Variants in IDH3B observed in about 807,000 individuals in gnomAD.
IDH3B encodes the protein isocitrate dehydrogenase (NAD(+)) 3 non-catalytic subunit beta, also known as isocitrate dehydrogenase [NAD] subunit beta, mitochondrial.
Under a neutral mutation model 47.5 loss-of-function variants are expected in IDH3B, and 40 were observed. The ratio of observed to expected loss-of-function variants is 0.84; its 90% CI spans 0.65 to 1.10. The LOEUF is 1.10. Among genes scored for constraint, IDH3B ranks in the 50% least tolerant of loss-of-function variants. The pLI is 0.00. For synonymous variants in IDH3B, 185 were observed against 191.0 expected (o/e 0.97, Z 0.26); for missense variants, 450 against 505.2 (o/e 0.89, Z 1.05).
At chr20:2,658,978 G>C in intron 11 of IDH3B, 141 bp from the exon 12 acceptor site, 8 of 1,324,046 alleles carry the variant, frequency 6.0e-6, no homozygotes, top group Non-Finnish European at 6.8e-6. Context: ...GGAAGGAGGA[G>C]CCAGGATGGG....
chr20:2,660,393 C>T lies in IDH3B; in HGVS notation c.666-28G>A. On this transcript the variant is annotated intron_variant, in intron 7 of 11. Transcript: ENST00000380843. This position sits in a 1 kb window ranked among gnomAD's most constrained non-coding sequence, Gnocchi z 5.6. The stretch of plus-strand genomic sequence containing the variant: ...GTCCATGGGCCAAAGGGGACAGAAT[C>T]AGCCAAGAAAGTACAGGGGCTACCT... 1 of 1,614,068 alleles carries T rather than the reference C, an allele frequency of 6.2e-7. No individual in the cohort carries two copies. Among genetic ancestry groups the T allele is most frequent in the Middle Eastern group, 1.6e-4 (1 of 6,062 alleles).
chr20:2,661,205 G>A (rs923028504), intron 4 of IDH3B, among the ~76,000 whole-genome samples: 37 of 152,074 alleles, frequency 2.4e-4, no homozygotes, highest in Non-Finnish European at 2.1e-4. Flanking sequence ...GTGTGTGTGC[G>A]TGTGTGAGAG....
Position 2,660,261 on chromosome 20 carries a change from A to C in IDH3B, c.768+2T>G, listed in dbSNP as rs1374351136. The C allele has an allele frequency of 6.8e-6, 11 of 1,613,966 alleles. No individual in the cohort carries two copies. The highest frequency in any genetic ancestry group is 9.3e-6 in the Non-Finnish European group (11 of 1,179,980). On this transcript the variant is annotated splice_donor_variant, in intron 8 of 11. Transcript: ENST00000380843. LOFTEE classifies it high-confidence loss of function. The surrounding 1 kb of genome is among the most constrained non-coding windows in gnomAD (Gnocchi z 5.6). Reference sequence around the variant, plus strand: ...ATGAGTAGAGATGTGGGGAGGCCTCACCTGCATGCAGCAGTTGTCTATGAT... The same window carrying C: ...ATGAGTAGAGATGTGGGGAGGCCTCCCCTGCATGCAGCAGTTGTCTATGAT...
At chr20:2,663,345 A>G in intron 4 of IDH3B, 101 bp downstream of exon 4, 1 of 1,375,246 alleles carries the variant, frequency 7.3e-7, no homozygotes, top group Non-Finnish European at 1.0e-6. Flanking sequence ...GTTGCCCTGG[A>G]GTTAATATAA....
At chr20:2,659,433 A>AC (rs981309054) in intron 11 of IDH3B, 92 bp downstream of exon 11, 8 of 1,511,238 alleles carry the variant, frequency 5.3e-6, no homozygotes, top group South Asian at 2.2e-5. Context: ...GGGAAAGGAG[A>AC]CCCCCATTCA....
chr20:2,658,985 T>G (rs1156851092), intron 11 of IDH3B, 148 bp from the exon 12 acceptor site: 4 of 1,325,114 alleles, frequency 3.0e-6, no homozygotes, highest in Admixed American at 3.0e-5. Flanking sequence ...GGAGCCAGGA[T>G]GGGAAGCACA....
In IDH3B at chr20:2,664,196, G is replaced by C. The variant is rs2087008064; in HGVS notation, c.-8C>G. 1 of 1,612,872 alleles carries C rather than the reference G, an allele frequency of 6.2e-7. No individual in the cohort carries two copies. Among genetic ancestry groups the C allele is most frequent in the Non-Finnish European group, 8.5e-7 (1 of 1,179,594 alleles). ...TCCGCTCAATGCCGCCATGTTTCCC[G>C]CAGGAAGTCGCGTGGGAAGTGACGC... On this transcript the variant is annotated 5_prime_UTR_variant, in exon 1 of 12. Transcript: ENST00000380843.
In IDH3B at chr20:2,659,849, G is replaced by T. The variant is rs866342083; in HGVS notation, c.916-56C>A. 7.4e-6 allele frequency: 11 copies of T among 1,478,042 alleles called. No individual in the cohort carries two copies. The Middle Eastern group carries it at 1.3e-3, about 175-fold the overall frequency. 91.6% of individuals were successfully genotyped at this position (1,478,042 alleles called of 1,614,324 possible). On this transcript the variant is annotated intron_variant, in intron 9 of 11. Transcript: ENST00000380843. ...GAGGAGGCAGGAGGGGTATGCAGAGGCTTAGGTTGGAAAAGGACATTATGG... is the reference window on the plus strand; with the variant it reads ...GAGGAGGCAGGAGGGGTATGCAGAGTCTTAGGTTGGAAAAGGACATTATGG...
chr20:2,659,200 C>G, intron 11 of IDH3B: 1 of 1,321,490 alleles, frequency 7.6e-7, no homozygotes, highest in Non-Finnish European at 9.6e-7. Flanking sequence ...GATGCTTCAG[C>G]CTGCCTGTAT....
At chr20:2,663,105 C>T (rs1412194772) in intron 4 of IDH3B, among the ~76,000 whole-genome samples, 2 of 144,416 alleles carry the variant, frequency 1.4e-5, no homozygotes, top group African/African-American at 5.2e-5. Flanking sequence ...CCAGCCTGGG[C>T]GACAGAGCAA....
Position 2,659,707 on chromosome 20 carries a change from C to G in IDH3B, c.1002G>C (p.Arg334=), listed in dbSNP as rs747580191. The G allele has an allele frequency of 4.3e-6, 7 of 1,614,018 alleles. No individual in the cohort carries two copies. In the Admixed American group the frequency reaches 5.0e-5, roughly 12 times the overall value. ...AMLLSASNML[R]HLNLEYHSSM... The stretch of plus-strand genomic sequence containing the variant: ...AGCCTCCCATGACCTACTTAAGATG[C>G]CGCAGCATGTTGGAAGCCGACAGCA... The change falls in exon 10 of 12, where the codon CGG becomes CGC. Residue 334 remains arginine (R), a synonymous_variant. Transcript: ENST00000380843.
In IDH3B at chr20:2,658,619, A is replaced by AG; in HGVS notation, c.*131dup. On this transcript the variant is annotated 3_prime_UTR_variant, in exon 12 of 12. Coordinates refer to ENST00000380843, the MANE Select transcript of IDH3B (RefSeq NM_006899.5). Reference sequence around the variant, plus strand: ...TCTGTCCCCTAAGGAAGCCGGCCCAAGGACAACCTAGGCTCTACCCAGCAA... The same window carrying AG: ...TCTGTCCCCTAAGGAAGCCGGCCCAAGGGACAACCTAGGCTCTACCCAGCAA... 1 of 1,613,332 alleles carries AG rather than the reference A, an allele frequency of 6.2e-7. No individual in the cohort carries two copies. The highest frequency in any genetic ancestry group is 8.5e-7 in the Non-Finnish European group (1 of 1,179,646).
chr20:2,659,711 A>C lies in IDH3B; in HGVS notation c.998T>G (p.Leu333Arg). Residue 333 changes from leucine (L) to arginine (R), a missense_variant, in exon 10 of 12, where the codon CTG (leucine) becomes CGG (arginine). By Grantham distance (102) the Leu-to-Arg change is moderately radical. Transcript: ENST00000380843. ...TCCCATGACCTACTTAAGATGCCGC[A>C]GCATGTTGGAAGCCGACAGCAGCAT... ...TAMLLSASNM[L>R]RHLNLEYHSS... 8 of 1,614,062 alleles carry C rather than the reference A, an allele frequency of 5.0e-6. No individual in the cohort carries two copies. The highest frequency in any genetic ancestry group is 6.8e-6 in the Non-Finnish European group (8 of 1,179,954).
intron 11 of IDH3B, 69 bp downstream of exon 11, chr20:2,659,456 G>C: frequency 6.4e-7 from 1 of 1,557,930 alleles, no homozygotes; most frequent in Non-Finnish European, 8.9e-7. Context: ...TTCCCCAGAG[G>C]GTAGTGCCGA....
At chr20:2,662,406 G>C (rs1430083856) in intron 4 of IDH3B, among the ~76,000 whole-genome samples, 1 of 152,200 alleles carries the variant, frequency 6.6e-6, no homozygotes, top group African/African-American at 2.4e-5. Flanking sequence ...CTTTCCTATG[G>C]TAAGGCTGGG....
Position 2,660,056 on chromosome 20 carries a change from T to C in IDH3B, c.889A>G (p.Ser297Gly). ...GAGVVPGESYSAEYAVFETGA... is the reference protein window; with the variant it reads ...GAGVVPGESYGAEYAVFETGA... ...GTCTCAAAGACTGCGTATTCTGCAC[T>C]ATAGCTCTCACCAGGGACCACACCA... Residue 297 changes from serine to glycine, a missense_variant, in exon 9 of 12, where the codon AGT (serine) becomes GGT (glycine). Physicochemically the swap from Ser to Gly is moderately conservative, Grantham distance 56. Coordinates refer to ENST00000380843, the MANE Select transcript of IDH3B (RefSeq NM_006899.5). The surrounding 1 kb of genome is among the most constrained non-coding windows in gnomAD (Gnocchi z 5.6). 2 of 1,614,126 alleles carry C rather than the reference T, an allele frequency of 1.2e-6. No homozygotes were observed. Among genetic ancestry groups the C allele is most frequent in the Non-Finnish European group, 1.7e-6 (2 of 1,180,014 alleles).
chr20:2,660,111 G>A lies in IDH3B; in HGVS notation c.834C>T (p.Asp278=). The change falls in exon 9 of 12, where the codon GAC becomes GAT. Residue 278 remains aspartate (D), a synonymous_variant. Transcript: ENST00000380843. The surrounding 1 kb of genome is among the most constrained non-coding windows in gnomAD (Gnocchi z 5.6). The stretch of plus-strand genomic sequence containing the variant: ...CCCCAACCAGGCCAGCAGCCAGATT[G>A]TCAATAATGTTCCCATAGAGATTGG... ...VMPNLYGNII[D]NLAAGLVGGA... is the part of the protein sequence containing the mutation. 1.2e-6 allele frequency: 2 copies of A among 1,614,078 alleles called. No homozygotes were observed. Among genetic ancestry groups the A allele is most frequent in the East Asian group, 4.5e-5 (2 of 44,880 alleles).
chr20:2,659,235 G>T, intron 11 of IDH3B: 1 of 1,442,562 alleles, frequency 6.9e-7, no homozygotes, highest in Non-Finnish European at 9.0e-7. Flanking sequence ...CCCCCAAGGA[G>T]AGCTGCAAGT....
chr20:2,659,510 C>T lies in IDH3B; in HGVS notation c.1071+15G>A. On this transcript the variant is annotated intron_variant, in intron 11 of 11. Coordinates refer to ENST00000380843, the MANE Select transcript of IDH3B (RefSeq NM_006899.5). Reference sequence around the variant, plus strand: ...ACTCTAAATCCTGAAGCCAGCACTACTCTTCTCAACTCACCTTGCCAACTT... The same window carrying T: ...ACTCTAAATCCTGAAGCCAGCACTATTCTTCTCAACTCACCTTGCCAACTT... The T allele has an allele frequency of 6.2e-7, 1 of 1,613,590 alleles. No individual in the cohort carries two copies. Among genetic ancestry groups the T allele is most frequent in the Non-Finnish European group, 8.5e-7 (1 of 1,179,450 alleles).
Sources: allele counts gnomAD v4.1 joint callset (sites outside exome capture counted in the v4.1 genomes callset), GRCh38; gene constraint gnomAD v4.1.1; non-coding constraint Gnocchi (gnomAD v3.1); transcripts MANE v1.5; gene names NCBI Gene and HGNC (gene_info 2026-07-23, HGNC 2026-07-21).